Variants in VKORC1L1 observed in about 807,000 individuals in gnomAD.
VKORC1L1 encodes the protein vitamin K epoxide reductase complex subunit 1-like protein 1.
In VKORC1L1, 2 loss-of-function variants were observed where a neutral mutation model predicts 18.9. That is an observed-to-expected ratio of 0.11 (90% CI 0.04 to 0.33). The LOEUF (loss-of-function observed/expected upper bound fraction) is 0.33. VKORC1L1 is among the 10% of genes least tolerant of loss of function. The probability of loss-of-function intolerance (pLI) is 1.00; values close to 1 mark genes in which losing one functional copy is unlikely to be tolerated. For synonymous variants in VKORC1L1, 96 were observed against 100.0 expected, an observed-to-expected ratio of 0.96 and a Z score of 0.24; for missense variants, 123 against 224.1, an observed-to-expected ratio of 0.55 and a Z score of 2.88.
chr7:65,897,162 C>T (rs2116379623), intron 1 of VKORC1L1, among the ~76,000 whole-genome samples: 1 of 152,274 alleles, frequency 6.6e-6, no homozygotes, highest in East Asian at 1.9e-4. Flanking sequence ...ATAGAAAAGA[C>T]CAACAACTCA....
rs1789415765 is a variant in VKORC1L1, at chr7:65,906,930, G to C, written c.194+33365G>C. ...GGTTGGGGACCTTGAACTTGTACTGGTGCTAATTATGGGTTTTTTCCTAGT... is the reference window on the plus strand; with the variant it reads ...GGTTGGGGACCTTGAACTTGTACTGCTGCTAATTATGGGTTTTTTCCTAGT... On this transcript the variant is annotated intron_variant, in intron 1 of 2. Transcript: ENST00000360768. Among the ~76,000 whole-genome samples the C allele has an allele frequency of 2.0e-5, 3 of 152,066 alleles. No individual in the cohort carries two copies. The South Asian group carries it at 6.2e-4, about 32-fold the overall frequency.
In VKORC1L1 at chr7:65,915,089, T is replaced by C. The variant is rs1789564367; in HGVS notation, c.195-33582T>C. Reference sequence around the variant, plus strand: ...TGTGAGCTTATTTTTTTTCTTTTTTTTTTCTTTTTTTTTTTTTTTGAGACA... The same window carrying C: ...TGTGAGCTTATTTTTTTTCTTTTTTCTTTCTTTTTTTTTTTTTTTGAGACA... On this transcript the variant is annotated intron_variant, in intron 1 of 2. Transcript: ENST00000360768. Among the ~76,000 whole-genome samples the C allele has an allele frequency of 2.0e-5, 3 of 148,872 alleles. No homozygotes were observed. In the Admixed American group the frequency reaches 2.1e-4, roughly 10 times the overall value.
intron 1 of VKORC1L1, among the ~76,000 whole-genome samples, chr7:65,874,813 TAAATA>T (rs1788798976): frequency 6.6e-6 from 1 of 151,846 alleles, no homozygotes; most frequent in Admixed American, 6.6e-5. Flanking sequence ...CTCAAATAAA[TAAATA>T]AAATATAAAT....
intron 1 of VKORC1L1, among the ~76,000 whole-genome samples, chr7:65,940,167 G>C (rs1484068914): frequency 2.6e-5 from 4 of 152,016 alleles, no homozygotes; most frequent in Non-Finnish European, 5.9e-5. Flanking sequence ...TGGGGCTACA[G>C]GTGTGTGCCA....
intron 1 of VKORC1L1, among the ~76,000 whole-genome samples, chr7:65,918,150 T>C (rs1488313906): frequency 6.6e-6 from 1 of 152,234 alleles, no homozygotes; most frequent in Non-Finnish European, 1.5e-5. Context: ...GAGATAACCA[T>C]TGTGATTCTT....
intron 1 of VKORC1L1, among the ~76,000 whole-genome samples, chr7:65,935,953 A>T (rs1449748430): frequency 6.6e-6 from 1 of 151,630 alleles, no homozygotes; most frequent in East Asian, 1.9e-4. Context: ...GATATTTAAG[A>T]TTGTTCTTTA....
chr7:65,877,455 C>T (rs1007420851), intron 1 of VKORC1L1, among the ~76,000 whole-genome samples: 2 of 151,868 alleles, frequency 1.3e-5, no homozygotes, highest in East Asian at 3.9e-4. Flanking sequence ...TCAAGCGATT[C>T]TCCTACCTCA....
intron 1 of VKORC1L1, among the ~76,000 whole-genome samples, chr7:65,923,263 G>T (rs1789707649): frequency 6.6e-6 from 1 of 152,122 alleles, no homozygotes; most frequent in Non-Finnish European, 1.5e-5. Flanking sequence ...TTAGCCGGGT[G>T]TTGTGGTGCA....
Position 65,948,821 on chromosome 7 carries a change from G to A in VKORC1L1, c.304+41G>A, listed in dbSNP as rs182306958. On this transcript the variant is annotated intron_variant, in intron 2 of 2. Coordinates refer to ENST00000360768, the MANE Select transcript of VKORC1L1 (RefSeq NM_173517.6). ...TACAAAAATAAGTTTGTTATATTCCGTTTAGTACTTTGTGTCTTTGCCCTG... is the reference window on the plus strand; with the variant it reads ...TACAAAAATAAGTTTGTTATATTCCATTTAGTACTTTGTGTCTTTGCCCTG... 1.7e-3 allele frequency: 1,847 copies of A among 1,115,178 alleles called. 28 individuals carry two copies. The African/African-American group carries it at 0.026, about 15-fold the overall frequency. The allele number at this position is 1,115,178 out of a possible 1,614,324, so 69.1% of individuals were successfully genotyped here. A position where few individuals can be genotyped will look rare whatever the true frequency, so the allele number is the denominator to read the frequency against.
chr7:65,940,131 C>A (rs1259306940), intron 1 of VKORC1L1, among the ~76,000 whole-genome samples: 1 of 151,936 alleles, frequency 6.6e-6, no homozygotes, highest in African/African-American at 2.4e-5. Flanking sequence ...CTCAAGCAGT[C>A]AACCTACCCC....
chr7:65,878,181 C>T (rs1033821353), intron 1 of VKORC1L1, among the ~76,000 whole-genome samples: 1 of 152,114 alleles, frequency 6.6e-6, no homozygotes, highest in Non-Finnish European at 1.5e-5. Context: ...CATAGTGGTT[C>T]ACGCCTGTAA....
chr7:65,912,216 A>G (rs1789513711), intron 1 of VKORC1L1, among the ~76,000 whole-genome samples: 1 of 152,244 alleles, frequency 6.6e-6, no homozygotes, highest in East Asian at 1.9e-4. Context: ...ATAGGCGTCT[A>G]CTATTTTAAC....
At chr7:65,895,458 A>G in intron 1 of VKORC1L1, among the ~76,000 whole-genome samples, 1 of 27,126 alleles carries the variant, frequency 3.7e-5, no homozygotes, top group Non-Finnish European at 6.7e-5. Context: ...TGTGAGAAAA[A>G]AAAAAAAAAA....
upstream of VKORC1L1, among the ~76,000 whole-genome samples, chr7:65,873,048 C>CGCGCG (rs925928457): frequency 3.4e-5 from 5 of 146,278 alleles, no homozygotes; most frequent in South Asian, 8.6e-4. Flanking sequence ...CGCGACCGGC[C>CGCGCG]GCGCGGCGCA....
chr7:65,919,088 A>G (rs1185832444), intron 1 of VKORC1L1, among the ~76,000 whole-genome samples: 1 of 152,190 alleles, frequency 6.6e-6, no homozygotes, highest in Non-Finnish European at 1.5e-5. Flanking sequence ...ACCCTTTCTC[A>G]AAAAATAAAT....
At chr7:65,901,984 T>A (rs1789326071) in intron 1 of VKORC1L1, among the ~76,000 whole-genome samples, 1 of 152,124 alleles carries the variant, frequency 6.6e-6, no homozygotes, top group South Asian at 2.1e-4. Flanking sequence ...CTGGATCTAC[T>A]CTAACAATGA....
At chr7:65,935,888 A>G (rs760224915) in intron 1 of VKORC1L1, among the ~76,000 whole-genome samples, 1 of 152,140 alleles carries the variant, frequency 6.6e-6, no homozygotes, top group South Asian at 2.1e-4. Flanking sequence ...TTCTCCTTCC[A>G]GAAGTCCAGT....
Position 65,948,779 on chromosome 7 carries a change from T to A in VKORC1L1, c.303T>A (p.Leu101=). ...TATTTTATATACTACAGTTATTACT[T>A]GGTAAGTATTTATCAATACAAAAAT... ...GLIFYILQLL[L]GMTASAVAAL... Residue 101 remains leucine, a splice_region_variant and synonymous_variant, in exon 2 of 3, where the codon CTT becomes CTA. Transcript: ENST00000360768. The A allele has an allele frequency of 1.3e-6, 1 of 761,022 alleles. No homozygotes were observed. Among genetic ancestry groups the A allele is most frequent in the East Asian group, 2.7e-5 (1 of 36,732 alleles). 47.1% of individuals were successfully genotyped at this position (761,022 alleles called of 1,614,324 possible).
chr7:65,867,856 G>A, the VKORC1L1 span, among the ~76,000 whole-genome samples: 4 of 151,926 alleles, frequency 2.6e-5, no homozygotes, highest in African/African-American at 9.7e-5. Flanking sequence ...AAGAGCACAT[G>A]CTATTATTAT....
Sources: gnomAD v4.1 joint callset for allele counts (sites outside exome capture counted in the v4.1 genomes callset) on GRCh38, gnomAD v4.1.1 for gene constraint, MANE v1.5 for transcripts, NCBI Gene and HGNC (gene_info 2026-07-23, HGNC 2026-07-21) for gene names.